Variants in KCNK16 observed in about 807,000 individuals in gnomAD.
KCNK16 encodes the protein potassium channel subfamily K member 16.
In KCNK16, 23 loss-of-function variants were observed where a neutral mutation model predicts 23.0. The observed-to-expected ratio is 1.00, with a 90% CI of 0.72 to 1.41. KCNK16 has a LOEUF of 1.41. Among genes scored for constraint, KCNK16 ranks in the 40% most tolerant of loss-of-function variants. KCNK16 has a pLI of 0.00. For missense variants in KCNK16, 327 were observed against 365.8 expected (o/e 0.89, Z 0.87); for synonymous variants, 145 against 153.5 (o/e 0.94, Z 0.41).
At chr6:39,322,761 A>C (rs1762559365), upstream of KCNK16, 2 of 612,604 alleles carry the variant, frequency 3.3e-6, no homozygotes, top group African/African-American at 3.7e-5. Context: ...GGCCACCCCC[A>C]CCCGGCCTTT....
chr6:39,315,162 A>G (rs1583778805), downstream of KCNK16: 8 of 1,614,128 alleles, frequency 5.0e-6, no homozygotes, highest in East Asian at 1.6e-4. Context: ...ATAGGAGCCC[A>G]CTTGCTGTTG....
At chr6:39,315,287 A>G (rs755421217), downstream of KCNK16, 2 of 1,571,374 alleles carry the variant, frequency 1.3e-6, no homozygotes, top group East Asian at 2.4e-5. Context: ...TGGAGAATGC[A>G]TTCCTGAGAG....
chr6:39,314,936 G>A, downstream of KCNK16: 1 of 1,463,258 alleles, frequency 6.8e-7, no homozygotes, highest in Non-Finnish European at 9.2e-7. Flanking sequence ...CTTCTGAGAA[G>A]GCCCCCGAAA....
At position 39,319,369 on chromosome 6, in the gene KCNK16, G is replaced by T. The variant is rs77869182; in HGVS notation, c.214-236C>A. ...TCCACTGTCTGTTCCACTGGCCAGG[G>T]CTGACTGAGGTGTGGGCTGCAAGCA... On this transcript the variant is annotated intron_variant, in intron 1 of 4. Transcript: ENST00000437525. The surrounding 1 kb of genome is among the most constrained non-coding windows in gnomAD (Gnocchi z 4.2). Among the ~76,000 whole-genome samples, 123 of 152,316 alleles carry T rather than the reference G, an allele frequency of 8.1e-4. 1 individual carries two copies. Among genetic ancestry groups the T allele is most frequent in the South Asian group, 2.3e-3 (11 of 4,826 alleles).
In KCNK16 at chr6:39,317,882, G is replaced by C. The variant is rs1202553972; in HGVS notation, c.399C>G (p.Ile133Met). 17 of 1,613,906 alleles carry C rather than the reference G, an allele frequency of 1.1e-5. No individual in the cohort carries two copies. Among genetic ancestry groups the C allele is most frequent in the Non-Finnish European group, 1.2e-5 (14 of 1,179,890 alleles). The change falls in exon 3 of 5, where the codon ATC becomes ATG. Residue 133 changes from isoleucine (I) to methionine (M), a missense_variant. Ile to Met is a conservative substitution (Grantham distance 10). Transcript: ENST00000437525. ...VFCVFYALLGIPLNVIFLNHL... is the reference protein window; with the variant it reads ...VFCVFYALLGMPLNVIFLNHL... ...GGTTGAGGAAGATCACGTTAAGCGG[G>C]ATGCCCAACAGGGCATAGAAGACAC...
At chr6:39,321,267 C>T (rs922489371) in intron 1 of KCNK16, among the ~76,000 whole-genome samples, 14 of 152,214 alleles carry the variant, frequency 9.2e-5, no homozygotes, top group Non-Finnish European at 1.6e-4. Context: ...AGGTTGCATC[C>T]TGCCCCCAGC....
At chr6:39,317,579 G>A (rs1361088996) in intron 3 of KCNK16, among the ~76,000 whole-genome samples, 6 of 152,224 alleles carry the variant, frequency 3.9e-5, no homozygotes, top group Non-Finnish European at 8.8e-5. Flanking sequence ...CTCACATGCT[G>A]TAGAGCTCCT....
At chr6:39,315,496 T>C (rs920097084), downstream of KCNK16, 2 of 1,422,378 alleles carry the variant, frequency 1.4e-6, no homozygotes, top group Non-Finnish European at 1.9e-6. Flanking sequence ...TCCTAAGCTT[T>C]GTTCACAGAC....
chr6:39,316,942 CA>C lies in KCNK16; in HGVS notation c.500del (p.Leu167ArgfsTer10). ...GGAACAGAGCCAGGCCCAGGACTTG[CA>C]GTACCTAGGAGGGAGGGAGTTGGCC... ...WEDRPRRSQVLQVLGLALFLT... is the reference protein window; with the variant it reads ...WEDRPRRSQVXQVLGLALFLT... On this transcript the variant is annotated frameshift_variant, in exon 4 of 5. Coordinates refer to ENST00000437525, the MANE Select transcript of KCNK16 (RefSeq NM_001135106.2). LOFTEE classifies it high-confidence loss of function. 1 of 1,612,324 alleles carries C rather than the reference CA, an allele frequency of 6.2e-7. No individual in the cohort carries two copies. Among genetic ancestry groups the C allele is most frequent in the Non-Finnish European group, 8.5e-7 (1 of 1,179,564 alleles).
rs191880965 is a variant in KCNK16 at position 39,319,882 on chromosome 6, C to T, written c.214-749G>A. ...GTGTTGCATGTGTTTTCACAAGACCCGAACCTTTGCCGGCTCAAGCCTACA... is the reference window on the plus strand; with the variant it reads ...GTGTTGCATGTGTTTTCACAAGACCTGAACCTTTGCCGGCTCAAGCCTACA... On this transcript the variant is annotated intron_variant, in intron 1 of 4. Transcript: ENST00000437525. This position sits in a 1 kb window ranked among gnomAD's most constrained non-coding sequence, Gnocchi z 4.2. Among the ~76,000 whole-genome samples the T allele has an allele frequency of 2.7e-4, 41 of 152,216 alleles. No homozygotes were observed. Among genetic ancestry groups the T allele is most frequent in the East Asian group, 2.5e-3 (13 of 5,174 alleles).
At chr6:39,316,587 G>T (rs774195754) in intron 4 of KCNK16, 145 bp from the exon 5 acceptor site, 13 of 1,224,720 alleles carry the variant, frequency 1.1e-5, no homozygotes, top group Non-Finnish European at 1.5e-5. Context: ...CTGCAGGGTG[G>T]TGATGGGTCC....
intron 3 of KCNK16, among the ~76,000 whole-genome samples, chr6:39,317,450 T>C (rs907724717): frequency 5.3e-5 from 8 of 152,220 alleles, no homozygotes; most frequent in African/African-American, 1.7e-4. Context: ...GGTGTTCAGC[T>C]GCAGAGAACC....
chr6:39,316,834 G>C lies in KCNK16; in HGVS notation c.609C>G (p.Phe203Leu). ...TGCTGAGAGTGATGAAAGCAAAGTAGAAGCCCTCGCTGAAGCTCCAGCCCT... is the reference window on the plus strand; with the variant it reads ...TGCTGAGAGTGATGAAAGCAAAGTACAAGCCCTCGCTGAAGCTCCAGCCCT... Reference protein sequence around the residue: ...HVEGWSFSEGFYFAFITLSTI... With the variant: ...HVEGWSFSEGLYFAFITLSTI... Residue 203 changes from phenylalanine (F) to leucine (L), a missense_variant, in exon 4 of 5, where the codon TTC becomes TTG. Transcript: ENST00000437525. 1 of 1,614,108 alleles carries C rather than the reference G, an allele frequency of 6.2e-7. No individual in the cohort carries two copies. Among genetic ancestry groups the C allele is most frequent in the Non-Finnish European group, 8.5e-7 (1 of 1,180,006 alleles).
rs1762440582 is a variant in KCNK16 at position 39,319,609 on chromosome 6, TG to T, written c.214-477del. Among the ~76,000 whole-genome samples, 1 of 152,122 alleles carries T rather than the reference TG, an allele frequency of 6.6e-6. No individual in the cohort carries two copies. Among genetic ancestry groups the T allele is most frequent in the Non-Finnish European group, 1.5e-5 (1 of 68,006 alleles). On this transcript the variant is annotated intron_variant, in intron 1 of 4. Coordinates refer to ENST00000437525, the MANE Select transcript of KCNK16 (RefSeq NM_001135106.2). This position sits in a 1 kb window ranked among gnomAD's most constrained non-coding sequence, Gnocchi z 4.2. ...CATGGGCTGCCTGCTATGAAGCTAA[TG>T]GTGGGAAAGAGAGCCCTGTGTTCCC...
chr6:39,322,941 C>G (rs1454649248), upstream of KCNK16: 3 of 183,210 alleles, frequency 1.6e-5, no homozygotes, highest in Non-Finnish European at 3.5e-5. Context: ...CTCTCGGCCG[C>G]CCCCAGCGTC....
chr6:39,317,679 A>C (rs1177669232), intron 3 of KCNK16, 107 bp downstream of exon 3: 1 of 1,253,494 alleles, frequency 8.0e-7, no homozygotes, highest in East Asian at 2.7e-5. Context: ...ACAGGCATCT[A>C]CCCCTAACAC....
intron 2 of KCNK16, among the ~76,000 whole-genome samples, chr6:39,318,487 G>A (rs1019006162): frequency 6.6e-6 from 1 of 152,114 alleles, no homozygotes; most frequent in Non-Finnish European, 1.5e-5. Flanking sequence ...TTTTCTGGCC[G>A]AGGGGGTGTA....
At chr6:39,317,541 C>A (rs182686292) in intron 3 of KCNK16, among the ~76,000 whole-genome samples, 68 of 152,304 alleles carry the variant, frequency 4.5e-4, no homozygotes, top group Non-Finnish European at 8.8e-4. Flanking sequence ...TGGCTGGTTC[C>A]GCCCACTGTG....
At chr6:39,322,775 T>C, upstream of KCNK16, 1 of 567,794 alleles carries the variant, frequency 1.8e-6, no homozygotes. Flanking sequence ...GGCCTTTGTT[T>C]CCATGGACAG....
Sources: gnomAD v4.1 joint callset for allele counts (sites outside exome capture counted in the v4.1 genomes callset) on GRCh38, gnomAD v4.1.1 for gene constraint, Gnocchi (gnomAD v3.1) non-coding constraint, MANE v1.5 for transcripts, NCBI Gene and HGNC (gene_info 2026-07-23, HGNC 2026-07-21) for gene names.